The following RTTN variants were observed in gnomAD, a reference collection of about 807,000 sequenced individuals.
The protein encoded by RTTN is rotatin.
In RTTN, 182 loss-of-function variants were observed where a neutral mutation model predicts 269.2. The observed-to-expected ratio is 0.68, with a 90% CI of 0.60 to 0.76. The LOEUF (loss-of-function observed/expected upper bound fraction) is 0.76, where lower values mean the gene tolerates loss of function less well. Ranked by LOEUF, RTTN falls within the 30% of genes least tolerant of loss-of-function variation. RTTN has a pLI of 0.00. For missense variants in RTTN, 2,545 were observed against 2,608.6 expected, an observed-to-expected ratio of 0.98 and a Z score of 0.53; for synonymous variants, 1,006 against 963.5, an observed-to-expected ratio of 1.04 and a Z score of -0.82.
intron 28 of RTTN, among the ~76,000 whole-genome samples, chr18:70,097,158 G>A (rs1240499408): frequency 6.6e-6 from 1 of 152,054 alleles, no homozygotes; most frequent in African/African-American, 2.4e-5. Flanking sequence ...AATTATCATA[G>A]TTTATTCACC....
chr18:70,020,590 A>G lies in RTTN; in HGVS notation c.6153+25T>C, dbSNP rs747826255. 6 of 1,559,490 alleles carry G rather than the reference A, an allele frequency of 3.8e-6. No homozygotes were observed. The South Asian group carries it at 4.5e-5, about 12-fold the overall frequency. On this transcript the variant is annotated intron_variant, in intron 45 of 48. Transcript: ENST00000640769. ...TTATTTCACTGAGTACCCTTTTAAG[A>G]TATGTGGGGAGTTTAAGTGCGTACC...
chr18:70,130,730 A>G (rs2059977325), intron 23 of RTTN: 1 of 151,990 alleles, frequency 6.6e-6, no homozygotes, highest in Non-Finnish European at 1.5e-5. Context: ...GTAGCACAAT[A>G]GGGTAAAAAT....
At chr18:70,023,293 T>A (rs971848555) in intron 44 of RTTN, among the ~76,000 whole-genome samples, 6 of 152,068 alleles carry the variant, frequency 3.9e-5, no homozygotes, top group Non-Finnish European at 8.8e-5. Flanking sequence ...ATGAAATGAT[T>A]AATGTTTGCA....
chr18:70,150,728 A>G lies in RTTN; in HGVS notation c.1935T>C (p.Cys645=). The G allele has an allele frequency of 6.3e-7, 1 of 1,583,726 alleles. No individual in the cohort carries two copies. ...GTTTAGTGACATTATGGACACCTAA[A>G]CATTCCTGTAAAATAATATTAAAAA... is the stretch of plus-strand genomic sequence containing the variant. ...YHCCLEITKE[C]LGVHNVTKPV... is the part of the protein sequence containing the mutation. The change falls in exon 15 of 49, where the codon TGT becomes TGC. Residue 645 remains cysteine (C), a synonymous_variant. Coordinates refer to ENST00000640769, the MANE Select transcript of RTTN (RefSeq NM_173630.4).
chr18:70,141,694 A>ACCATTTGGC (rs1568451601), intron 19 of RTTN, among the ~76,000 whole-genome samples: 1 of 152,162 alleles, frequency 6.6e-6, no homozygotes, highest in African/African-American at 2.4e-5. Flanking sequence ...GGGTGCAGCA[A>ACCATTTGGC]ACCAACATGG....
At chr18:70,015,425 C>G (rs1427801962) in intron 46 of RTTN, among the ~76,000 whole-genome samples, 2 of 152,156 alleles carry the variant, frequency 1.3e-5, no homozygotes, top group Non-Finnish European at 2.9e-5. Context: ...ACCATTTAAA[C>G]CAGATGTGTG....
chr18:70,101,919 T>G (rs1253009868), intron 28 of RTTN, among the ~76,000 whole-genome samples: 10 of 152,386 alleles, frequency 6.6e-5, no homozygotes, highest in African/African-American at 2.4e-4. Flanking sequence ...AGTTCCAGTT[T>G]GATTGCACTG....
chr18:70,005,650 A>T (rs2056161922), intron 47 of RTTN: 1 of 161,952 alleles, frequency 6.2e-6, no homozygotes, highest in East Asian at 1.8e-4. Flanking sequence ...AAATATTTAC[A>T]GAGTGACTAC....
chr18:70,184,715 TTTG>T (rs1381257247), intron 10 of RTTN, among the ~76,000 whole-genome samples: 7 of 76,062 alleles, frequency 9.2e-5, no homozygotes, highest in African/African-American at 3.8e-4. Context: ...TTTTTTTTTT[TTTG>T]TGTGTGTGTG....
intron 40 of RTTN, among the ~76,000 whole-genome samples, chr18:70,036,451 C>G (rs1239442412): frequency 6.6e-6 from 1 of 152,098 alleles, no homozygotes; most frequent in Non-Finnish European, 1.5e-5. Context: ...GAACAGAAAA[C>G]CAAATACTGC....
intron 17 of RTTN, among the ~76,000 whole-genome samples, chr18:70,146,283 T>C (rs2060390635): frequency 6.6e-6 from 1 of 152,144 alleles, no homozygotes; most frequent in Non-Finnish European, 1.5e-5. Context: ...AAAATACAAA[T>C]ACTTTTTCCT....
At chr18:70,173,760 TAC>T (rs1444714770) in intron 11 of RTTN, among the ~76,000 whole-genome samples, 1 of 152,162 alleles carries the variant, frequency 6.6e-6, no homozygotes, top group Non-Finnish European at 1.5e-5. Context: ...CGTTTAAAAA[TAC>T]AGTCAGTAAG....
chr18:70,118,301 G>A (rs546391771), intron 26 of RTTN, among the ~76,000 whole-genome samples: 37 of 152,088 alleles, frequency 2.4e-4, no homozygotes, highest in Admixed American at 3.9e-4. Context: ...ACAAGGAATC[G>A]TAAGAGACTA....
At chr18:70,119,426 A>G (rs2059681235) in intron 26 of RTTN, among the ~76,000 whole-genome samples, 1 of 151,940 alleles carries the variant, frequency 6.6e-6, no homozygotes, top group African/African-American at 2.4e-5. Context: ...CGCTCCAAGG[A>G]AAGGGGAGGG....
chr18:70,027,944 A>G (rs1599162965), intron 43 of RTTN, among the ~76,000 whole-genome samples: 1 of 152,228 alleles, frequency 6.6e-6, no homozygotes, highest in East Asian at 1.9e-4. Flanking sequence ...AGAGCAAAAC[A>G]GGTAAAAATT....
intron 39 of RTTN, 61 bp downstream of exon 39, chr18:70,051,350 C>A: frequency 6.6e-7 from 1 of 1,518,518 alleles, no homozygotes; most frequent in Admixed American, 2.2e-5. Flanking sequence ...CCTAAACAGG[C>A]AGAATCATTA....
chr18:70,064,643 A>G (rs1236137835), intron 35 of RTTN, among the ~76,000 whole-genome samples: 3 of 152,184 alleles, frequency 2.0e-5, no homozygotes, highest in Non-Finnish European at 4.4e-5. Flanking sequence ...AAATCTATAA[A>G]GAAGGAAAGT....
chr18:70,096,157 A>G (rs1346640455), intron 28 of RTTN, among the ~76,000 whole-genome samples: 1 of 151,778 alleles, frequency 6.6e-6, no homozygotes, highest in Non-Finnish European at 1.5e-5. Flanking sequence ...CAGGTCATTT[A>G]TGTTCTTCTC....
At chr18:70,062,292 C>T (rs2058010443) in intron 35 of RTTN, among the ~76,000 whole-genome samples, 1 of 152,028 alleles carries the variant, frequency 6.6e-6, no homozygotes, top group South Asian at 2.1e-4. Context: ...AAAAGTCAAC[C>T]TATACAAGAA....
Sources: allele counts gnomAD v4.1 joint callset (sites outside exome capture counted in the v4.1 genomes callset), GRCh38; gene constraint gnomAD v4.1.1; transcripts MANE v1.5; gene names NCBI Gene and HGNC (gene_info 2026-07-23, HGNC 2026-07-21).